MME: variants seen among roughly 807,000 people sequenced by gnomAD.
MME encodes the protein membrane metalloendopeptidase.
A neutral mutation model predicts 113.2 loss-of-function variants in MME; 98 were observed. The ratio of observed to expected loss-of-function variants is 0.87; its 90% confidence interval spans 0.74 to 1.02. The LOEUF is 1.02. MME is among the 50% of genes least tolerant of loss of function. The pLI, the probability that MME is intolerant of heterozygous loss-of-function variation, is 0.00. For synonymous variants in MME, 292 were observed against 300.6 expected, an observed-to-expected ratio of 0.97 and a Z score of 0.30; for missense variants, 836 against 896.0, an observed-to-expected ratio of 0.93 and a Z score of 0.86.
chr3:155,179,596 G>A lies in MME; in HGVS notation c.2154-764G>A, dbSNP rs549537896. 1.7e-3 allele frequency among the ~76,000 whole-genome samples: 256 copies of A among 152,252 alleles called. 1 individual carries two copies. Among genetic ancestry groups the A allele is most frequent in the African/African-American group, 5.6e-3 (232 of 41,544 alleles). ...CCAACCCAAGCAAACGTGGTAGGCT[G>A]GCCTTAGCAGGAGGAGAAGGGAAGG... is the stretch of plus-strand genomic sequence containing the variant. On this transcript the variant is annotated intron_variant, in intron 22 of 22. Transcript: ENST00000360490.
intron 3 of MME, among the ~76,000 whole-genome samples, chr3:155,098,488 G>A (rs1161393616): frequency 6.6e-6 from 1 of 151,912 alleles, no homozygotes; most frequent in Non-Finnish European, 1.5e-5. Flanking sequence ...CCCAGGAGGT[G>A]GAGGTTGCAA....
intron 1 of MME, among the ~76,000 whole-genome samples, chr3:155,082,664 T>G (rs765636942): frequency 2.0e-5 from 3 of 152,208 alleles, no homozygotes. Context: ...TAAAATATTT[T>G]TATTTGATAG....
intron 3 of MME, among the ~76,000 whole-genome samples, chr3:155,089,054 A>ATTTATGATGTACATAAAATGATG (rs1716045463): frequency 6.6e-6 from 1 of 152,202 alleles, no homozygotes; most frequent in Admixed American, 6.5e-5. Context: ...GGATTTAAAT[A>ATTTATGATGTACATAAAATGATG]TTTATGATGT....
At chr3:155,068,733 A>C (rs1463198526) in intron 1 of MME, among the ~76,000 whole-genome samples, 1 of 152,240 alleles carries the variant, frequency 6.6e-6, no homozygotes, top group Non-Finnish European at 1.5e-5. Flanking sequence ...TGAGTAAAAT[A>C]TTCTGAGTTT....
chr3:155,117,398 A>G (rs1366920511), intron 7 of MME, among the ~76,000 whole-genome samples: 1 of 152,340 alleles, frequency 6.6e-6, no homozygotes, highest in Non-Finnish European at 1.5e-5. Flanking sequence ...GATTTTAAAC[A>G]TCATTTTTTT....
chr3:155,029,700 G>A (rs1712904267), intron 1 of MME, among the ~76,000 whole-genome samples: 1 of 151,980 alleles, frequency 6.6e-6, no homozygotes, highest in African/African-American at 2.4e-5. Flanking sequence ...CAATTCTGAA[G>A]ACATTTACAT....
intron 1 of MME, among the ~76,000 whole-genome samples, chr3:155,039,911 T>A (rs1713252890): frequency 6.6e-6 from 1 of 152,118 alleles, no homozygotes; most frequent in Non-Finnish European, 1.5e-5. Flanking sequence ...TCTAACTGAT[T>A]AATATAATTT....
chr3:155,144,809 T>C (rs911446670), intron 14 of MME, among the ~76,000 whole-genome samples: 9 of 152,144 alleles, frequency 5.9e-5, no homozygotes, highest in African/African-American at 2.2e-4. Flanking sequence ...TTATTGAGAC[T>C]TTTACTGAGT....
chr3:155,139,474 A>T lies in MME; in HGVS notation c.856-717A>T, dbSNP rs186788342. Among the ~76,000 whole-genome samples, 19 of 152,336 alleles carry T rather than the reference A, an allele frequency of 1.2e-4. No homozygotes were observed. In the East Asian group the frequency reaches 3.7e-3, roughly 29 times the overall value. On this transcript the variant is annotated intron_variant, in intron 9 of 22. Coordinates refer to ENST00000360490, the MANE Select transcript of MME (RefSeq NM_007289.4). ...TAAAGGGGAAACTGGAGCCATTGTCACTGAGAAATAATTCCAATTTTAAAC... is the reference window on the plus strand; with the variant it reads ...TAAAGGGGAAACTGGAGCCATTGTCTCTGAGAAATAATTCCAATTTTAAAC...
intron 17 of MME, among the ~76,000 whole-genome samples, chr3:155,162,128 C>T (rs1722762794): frequency 6.6e-6 from 1 of 152,286 alleles, no homozygotes; most frequent in African/African-American, 2.4e-5. Flanking sequence ...TTCAGTCCAG[C>T]CCAGGGAGGA....
chr3:155,051,851 AG>A (rs1184256718), intron 1 of MME, among the ~76,000 whole-genome samples: 1 of 152,160 alleles, frequency 6.6e-6, no homozygotes, highest in Non-Finnish European at 1.5e-5. Flanking sequence ...TTAACTCAAA[AG>A]TCCTAGTCTG....
At chr3:155,171,391 A>G (rs1407683656) in intron 20 of MME, among the ~76,000 whole-genome samples, 1 of 152,160 alleles carries the variant, frequency 6.6e-6, no homozygotes, top group Non-Finnish European at 1.5e-5. Flanking sequence ...AGTTGGTCAC[A>G]TTCCTTTGTA....
intron 1 of MME, chr3:155,082,017 A>G (rs965776768): frequency 3.9e-5 from 6 of 152,192 alleles, no homozygotes; most frequent in Non-Finnish European, 7.3e-5. Flanking sequence ...TGTTTCTGCA[A>G]ACTTGGGTGC....
At chr3:155,157,134 G>C (rs375669456) in intron 16 of MME, among the ~76,000 whole-genome samples, 51 of 152,182 alleles carry the variant, frequency 3.4e-4, no homozygotes, top group Admixed American at 1.6e-3. Flanking sequence ...ACTGCTTCTA[G>C]TGGCCCCTCT....
At chr3:155,027,307 T>C (rs1712819981) in intron 1 of MME, among the ~76,000 whole-genome samples, 1 of 152,174 alleles carries the variant, frequency 6.6e-6, no homozygotes, top group South Asian at 2.1e-4. Context: ...TACACAACCA[T>C]AAGGAAGAGC....
At chr3:155,113,127 G>T (rs1718322091) in intron 3 of MME, among the ~76,000 whole-genome samples, 1 of 152,108 alleles carries the variant, frequency 6.6e-6, no homozygotes, top group Non-Finnish European at 1.5e-5. Context: ...GGAGGTTAAA[G>T]CAAAGACACA....
intron 3 of MME, among the ~76,000 whole-genome samples, chr3:155,101,234 C>A (rs1034084413): frequency 1.3e-5 from 2 of 152,210 alleles, no homozygotes; most frequent in Non-Finnish European, 2.9e-5. Context: ...GCCAATTAAA[C>A]CTCTTTTCTT....
At chr3:155,111,678 CTCTGCTTGTTCAT>C (rs1034594030) in intron 3 of MME, among the ~76,000 whole-genome samples, 4 of 152,038 alleles carry the variant, frequency 2.6e-5, no homozygotes, top group African/African-American at 4.8e-5. Flanking sequence ...CTTGTTCATG[CTCTGCTTGTTCAT>C]TCTGCTTGTT....
intron 14 of MME, among the ~76,000 whole-genome samples, chr3:155,145,125 C>T (rs532965707): frequency 6.6e-6 from 1 of 152,216 alleles, no homozygotes; most frequent in Admixed American, 6.5e-5. Flanking sequence ...TCTCAAAGAG[C>T]CCTGAGTGGG....
Sources: allele counts gnomAD v4.1 joint callset (sites outside exome capture counted in the v4.1 genomes callset), GRCh38; gene constraint gnomAD v4.1.1; transcripts MANE v1.5; gene names NCBI Gene and HGNC (gene_info 2026-07-23, HGNC 2026-07-21).